Variants in DNAJA3 observed in about 807,000 individuals in gnomAD.
The protein encoded by DNAJA3 is dnaJ homolog subfamily A member 3, mitochondrial.
DNAJA3 carries 29 observed loss-of-function variants against 54.9 expected under a neutral mutation model. That is an observed-to-expected ratio of 0.53 (90% CI 0.39 to 0.72). The LOEUF (loss-of-function observed/expected upper bound fraction) is 0.72, where lower values mean the gene tolerates loss of function less well. DNAJA3 is among the 30% of genes least tolerant of loss of function. The pLI, the probability that DNAJA3 is intolerant of heterozygous loss-of-function variation, is 0.00. For missense variants in DNAJA3, 708 were observed against 639.4 expected, an observed-to-expected ratio of 1.11 and a Z score of -1.16; for synonymous variants, 302 against 251.4, an observed-to-expected ratio of 1.20 and a Z score of -1.90.
chr16:4,443,977 C>T (rs1330924791), intron 6 of DNAJA3, among the ~76,000 whole-genome samples: 1 of 152,202 alleles, frequency 6.6e-6, no homozygotes, highest in South Asian at 2.1e-4. Context: ...TGAGCCACCG[C>T]GCGTGGCCTG....
At chr16:4,427,027 C>G (rs984645104) in intron 1 of DNAJA3, 1 of 152,114 alleles carries the variant, frequency 6.6e-6, no homozygotes, top group Admixed American at 6.6e-5. Flanking sequence ...AAGAGATTAT[C>G]CTGCCTCAGC....
intron 1 of DNAJA3, 169 bp from the exon 2 acceptor site, chr16:4,434,215 C>T (rs781055018): frequency 3.8e-5 from 26 of 677,296 alleles, no homozygotes; most frequent in South Asian, 1.4e-4. Flanking sequence ...TCCCATGACA[C>T]GTGGGGATTA....
Position 4,444,900 on chromosome 16 carries a change from G to A in DNAJA3, c.996+172G>A, listed in dbSNP as rs560751350. 4.5e-4 allele frequency among the ~76,000 whole-genome samples: 68 copies of A among 152,272 alleles called. 1 individual carries two copies. The highest frequency in any genetic ancestry group is 1.6e-3 in the African/African-American group (67 of 41,554). ...GTTTTTAGCTGTTTGTTACCTTCAA[G>A]ATTCTGTGCCTTGTGTGGAGAGAAG... On this transcript the variant is annotated intron_variant, in intron 7 of 11. Transcript: ENST00000262375.
chr16:4,444,531 T>G (rs2056878863), intron 6 of DNAJA3, 133 bp from the exon 7 acceptor site: 5 of 670,258 alleles, frequency 7.5e-6, no homozygotes, highest in Non-Finnish European at 1.3e-5. Flanking sequence ...AGACCAGGTT[T>G]CACCATGTTG....
At chr16:4,446,800 C>T in intron 7 of DNAJA3, 86 bp from the exon 8 acceptor site, 2 of 1,551,314 alleles carry the variant, frequency 1.3e-6, no homozygotes, top group African/African-American at 2.7e-5. Context: ...TTTGTCAGGT[C>T]TGAGCTTGGG....
intron 10 of DNAJA3, among the ~76,000 whole-genome samples, chr16:4,452,531 A>G (rs1441604000): frequency 6.6e-6 from 1 of 151,994 alleles, no homozygotes; most frequent in Non-Finnish European, 1.5e-5. Flanking sequence ...ACTTGTCCTG[A>G]TCACTCAGCC....
chr16:4,446,307 G>A (rs2056901747), intron 7 of DNAJA3, among the ~76,000 whole-genome samples: 1 of 147,364 alleles, frequency 6.8e-6, no homozygotes, highest in South Asian at 2.1e-4. Context: ...GCAGTGGTGT[G>A]ATCTCTGTTC....
intron 2 of DNAJA3, 67 bp downstream of exon 2, chr16:4,434,584 T>G: frequency 6.4e-7 from 1 of 1,571,424 alleles, no homozygotes; most frequent in South Asian, 1.2e-5. Flanking sequence ...CATGTGATCC[T>G]GATCAGTACA....
chr16:4,426,473 C>T (rs2056624723), intron 1 of DNAJA3, among the ~76,000 whole-genome samples: 1 of 152,182 alleles, frequency 6.6e-6, no homozygotes, highest in African/African-American at 2.4e-5. Context: ...TTACAACAAC[C>T]CTGCAAGATG....
chr16:4,450,325 G>A, intron 9 of DNAJA3, 75 bp from the exon 10 acceptor site: 2 of 1,258,014 alleles, frequency 1.6e-6, no homozygotes, highest in East Asian at 2.5e-5. Context: ...GTGCTGCGAG[G>A]GTGCTGGCTG....
chr16:4,426,206 G>T, intron 1 of DNAJA3, 114 bp downstream of exon 1: 1 of 1,167,924 alleles, frequency 8.6e-7, no homozygotes, highest in Non-Finnish European at 1.1e-6. Context: ...TTCCGACGCG[G>T]ATGCACAATT....
chr16:4,442,927 A>G, intron 5 of DNAJA3, 90 bp from the exon 6 acceptor site: 3 of 1,468,180 alleles, frequency 2.0e-6, no homozygotes, highest in East Asian at 2.3e-5. Context: ...CAAGCCTTAA[A>G]GAGACATTTT....
chr16:4,437,559 G>GCT, intron 3 of DNAJA3, 74 bp downstream of exon 3: 1 of 1,237,732 alleles, frequency 8.1e-7, no homozygotes, highest in Non-Finnish European at 1.2e-6. Context: ...TTGCTACCTG[G>GCT]GACAGCCTGG....
rs2056858706 is a variant in DNAJA3, at chr16:4,443,184, A to G, written c.931+20A>G. On this transcript the variant is annotated intron_variant, in intron 6 of 11. Transcript: ENST00000262375. ...CTGCAGGTGGGTGCTTGGGCCCGCC[A>G]TGTCCAGGAGCTTGGAGAGGGCAGA... 1.2e-6 allele frequency: 2 copies of G among 1,613,462 alleles called. No homozygotes were observed. Among genetic ancestry groups the G allele is most frequent in the Non-Finnish European group, 1.7e-6 (2 of 1,179,808 alleles).
chr16:4,448,253 C>T (rs1354159328), intron 8 of DNAJA3, among the ~76,000 whole-genome samples: 1 of 151,084 alleles, frequency 6.6e-6, no homozygotes, highest in African/African-American at 2.4e-5. Flanking sequence ...TCTCAATCAC[C>T]TGACCTCGTG....
intron 2 of DNAJA3, among the ~76,000 whole-genome samples, chr16:4,436,702 A>G (rs1218423778): frequency 1.3e-5 from 2 of 151,850 alleles, no homozygotes; most frequent in African/African-American, 2.4e-5. Context: ...TACCTGGCTA[A>G]TTTTTGTATT....
At chr16:4,429,763 G>A (rs1160710146) in intron 1 of DNAJA3, among the ~76,000 whole-genome samples, 1 of 152,078 alleles carries the variant, frequency 6.6e-6, no homozygotes, top group Non-Finnish European at 1.5e-5. Context: ...GAACGTGAAA[G>A]TCGGAGGTTG....
intron 5 of DNAJA3, chr16:4,442,736 A>G (rs2056851950): frequency 1.8e-6 from 1 of 552,930 alleles, no homozygotes; most frequent in African/African-American, 1.9e-5. Context: ...TGTACTGTTC[A>G]GCTCCCAGGA....
intron 1 of DNAJA3, among the ~76,000 whole-genome samples, chr16:4,430,259 C>G (rs545946163): frequency 6.6e-6 from 1 of 151,830 alleles, no homozygotes; most frequent in African/African-American, 2.4e-5. Context: ...GACTTTTCTT[C>G]CAAGCAGAAA....
Sources: allele counts gnomAD v4.1 joint callset (sites outside exome capture counted in the v4.1 genomes callset), GRCh38; gene constraint gnomAD v4.1.1; transcripts MANE v1.5; gene names NCBI Gene and HGNC (gene_info 2026-07-23, HGNC 2026-07-21).